KPNA3: variants seen among roughly 807,000 people sequenced by gnomAD.
KPNA3 encodes the protein karyopherin subunit alpha 3.
In KPNA3, 13 loss-of-function variants were observed where a neutral mutation model predicts 73.8. That is an observed-to-expected ratio of 0.18 (90% CI 0.11 to 0.28). KPNA3 has a LOEUF of 0.28. Among genes scored for constraint, KPNA3 ranks in the 10% least tolerant of loss-of-function variants. The probability of loss-of-function intolerance (pLI) is 1.00; values close to 1 mark genes in which losing one functional copy is unlikely to be tolerated. For synonymous variants in KPNA3, 186 were observed against 206.9 expected (o/e 0.90, Z 0.87); for missense variants, 360 against 618.1 (o/e 0.58, Z 4.43).
chr13:49,750,942 C>G (rs971475963), intron 1 of KPNA3, among the ~76,000 whole-genome samples: 3 of 151,658 alleles, frequency 2.0e-5, no homozygotes, highest in African/African-American at 7.3e-5. Context: ...CCATGAGCCA[C>G]GAGTGGGCCA....
intron 2 of KPNA3, among the ~76,000 whole-genome samples, chr13:49,738,486 C>T (rs1254764372): frequency 6.6e-6 from 1 of 152,192 alleles, no homozygotes; most frequent in Non-Finnish European, 1.5e-5. Context: ...AATCCAAGAA[C>T]ACAGTATACA....
chr13:49,751,086 A>G (rs1039197148), intron 1 of KPNA3, among the ~76,000 whole-genome samples: 2 of 152,212 alleles, frequency 1.3e-5, no homozygotes, highest in African/African-American at 4.8e-5. Context: ...AAGCTCCCAA[A>G]AGAATTAAAA....
chr13:49,702,558 T>G, intron 15 of KPNA3, 78 bp from the exon 16 acceptor site: 1 of 721,834 alleles, frequency 1.4e-6, no homozygotes, highest in Non-Finnish European at 2.3e-6. Context: ...ATTTTAATCA[T>G]GGAGAAATCC....
At chr13:49,742,361 G>C (rs1954581602) in intron 2 of KPNA3, among the ~76,000 whole-genome samples, 1 of 140,648 alleles carries the variant, frequency 7.1e-6, no homozygotes, top group South Asian at 2.2e-4. Context: ...ACTTGTAGTA[G>C]GACCAAAAAT....
At chr13:49,719,710 T>TA in intron 10 of KPNA3, 65 bp downstream of exon 10, 1 of 1,066,364 alleles carries the variant, frequency 9.4e-7, no homozygotes, top group Admixed American at 1.8e-5. Flanking sequence ...TGCTGACACT[T>TA]ACATAAAAAC....
At chr13:49,750,475 G>A (rs1452611804) in intron 1 of KPNA3, among the ~76,000 whole-genome samples, 1 of 152,038 alleles carries the variant, frequency 6.6e-6, no homozygotes, top group Non-Finnish European at 1.5e-5. Flanking sequence ...ATTTTTTGTA[G>A]AGGTAGTATC....
At chr13:49,761,297 T>G (rs1954757794) in intron 1 of KPNA3, among the ~76,000 whole-genome samples, 1 of 152,184 alleles carries the variant, frequency 6.6e-6, no homozygotes, top group Admixed American at 6.5e-5. Context: ...GAGCCGAAGC[T>G]GGACTGTACT....
At position 49,742,640 on chromosome 13, in the gene KPNA3, A is replaced by G. The variant is rs537236675; in HGVS notation, c.114+4309T>C. Among the ~76,000 whole-genome samples the G allele has an allele frequency of 2.6e-5, 4 of 152,006 alleles. No individual in the cohort carries two copies. In the South Asian group the frequency reaches 8.3e-4, roughly 32 times the overall value. On this transcript the variant is annotated intron_variant, in intron 2 of 16. Coordinates refer to ENST00000261667, the MANE Select transcript of KPNA3 (RefSeq NM_002267.4). Reference sequence around the variant, plus strand: ...TAGTTTTTTTTTTTCTATTTCTGTGAAAAATGACATTAGAGGTTTGATAGA... The same window carrying G: ...TAGTTTTTTTTTTTCTATTTCTGTGGAAAATGACATTAGAGGTTTGATAGA...
chr13:49,705,874 G>T, intron 14 of KPNA3, 91 bp from the exon 15 acceptor site: 1 of 1,188,282 alleles, frequency 8.4e-7, no homozygotes, highest in Non-Finnish European at 1.2e-6. Flanking sequence ...GAGGCAGGAG[G>T]CTATCTTGAG....
intron 1 of KPNA3, among the ~76,000 whole-genome samples, chr13:49,790,039 A>G (rs1594468018): frequency 6.6e-6 from 1 of 152,196 alleles, no homozygotes; most frequent in Non-Finnish European, 1.5e-5. Flanking sequence ...AAACTCCCTG[A>G]AGTACAGACT....
chr13:49,724,732 G>A (rs912357983), intron 7 of KPNA3, among the ~76,000 whole-genome samples: 3 of 152,128 alleles, frequency 2.0e-5, no homozygotes, highest in African/African-American at 4.8e-5. Context: ...GAGTAGGTGC[G>A]ACTATAGGCA....
At chr13:49,748,590 T>C (rs557683849) in intron 1 of KPNA3, among the ~76,000 whole-genome samples, 2 of 152,180 alleles carry the variant, frequency 1.3e-5, no homozygotes, top group East Asian at 1.9e-4. Context: ...AAAAATCTCA[T>C]AAAATCCAAA....
At chr13:49,742,245 G>C (rs1285802121) in intron 2 of KPNA3, among the ~76,000 whole-genome samples, 1 of 152,064 alleles carries the variant, frequency 6.6e-6, no homozygotes, top group African/African-American at 2.4e-5. Flanking sequence ...TTGCGTGTCA[G>C]AGCATATCTT....
At chr13:49,723,826 C>T (rs1349539408) in intron 7 of KPNA3, among the ~76,000 whole-genome samples, 4 of 144,992 alleles carry the variant, frequency 2.8e-5, no homozygotes, top group South Asian at 2.2e-4. Context: ...GCTGAGATCA[C>T]GCCACTGCAC....
chr13:49,770,394 T>C (rs1301637610), intron 1 of KPNA3, among the ~76,000 whole-genome samples: 1 of 152,038 alleles, frequency 6.6e-6, no homozygotes, highest in East Asian at 1.9e-4. Flanking sequence ...TAGGCTGGTC[T>C]CGAAATCCTA....
chr13:49,723,037 A>G (rs1316497468), intron 7 of KPNA3, among the ~76,000 whole-genome samples: 1 of 151,804 alleles, frequency 6.6e-6, no homozygotes, highest in Non-Finnish European at 1.5e-5. Context: ...TTCCAGCATA[A>G]GCTAGATCAC....
chr13:49,781,198 C>T (rs755695255), intron 1 of KPNA3, among the ~76,000 whole-genome samples: 3 of 152,118 alleles, frequency 2.0e-5, no homozygotes, highest in Non-Finnish European at 4.4e-5. Context: ...TCCCCATGTG[C>T]CCGCTCCACT....
intron 6 of KPNA3, among the ~76,000 whole-genome samples, chr13:49,730,148 T>A (rs1954448490): frequency 6.6e-6 from 1 of 152,178 alleles, no homozygotes; most frequent in Admixed American, 6.5e-5. Flanking sequence ...GTATTATATG[T>A]TATGTTTCAT....
chr13:49,706,506 G>A, intron 12 of KPNA3, 134 bp from the exon 13 acceptor site: 1 of 574,708 alleles, frequency 1.7e-6, no homozygotes, highest in Non-Finnish European at 3.0e-6. Flanking sequence ...AAGTGATTAG[G>A]TATACAAAAT....
Sources: gnomAD v4.1 joint callset for allele counts (sites outside exome capture counted in the v4.1 genomes callset) on GRCh38, gnomAD v4.1.1 for gene constraint, MANE v1.5 for transcripts, NCBI Gene and HGNC (gene_info 2026-07-23, HGNC 2026-07-21) for gene names.